RNF14: variants seen among roughly 807,000 people sequenced by gnomAD.
RNF14 encodes ring finger protein 14.
Under a neutral mutation model 52.6 loss-of-function variants are expected in RNF14, and 26 were observed. The observed-to-expected ratio is 0.49, with a 90% CI of 0.36 to 0.69. The LOEUF (loss-of-function observed/expected upper bound fraction) is 0.69, where lower values mean the gene tolerates loss of function less well. RNF14 is among the 30% of genes least tolerant of loss of function. RNF14 has a pLI of 0.00. For missense variants in RNF14, 404 were observed against 560.4 expected (o/e 0.72, Z 2.82); for synonymous variants, 194 against 202.0 (o/e 0.96, Z 0.34).
At position 141,983,890 on chromosome 5, in the gene RNF14, T is replaced by G. The variant is rs536073584; in HGVS notation, c.1236+338T>G. 3.3e-5 allele frequency among the ~76,000 whole-genome samples: 5 copies of G among 152,288 alleles called. No individual in the cohort carries two copies. In the East Asian group the frequency reaches 7.7e-4, roughly 23 times the overall value. ...AATCAAATCTGATCTCTCAGAACTA[T>G]TTATCCTGGAATGCTGCACACCTGT... is the stretch of plus-strand genomic sequence containing the variant. On this transcript the variant is annotated intron_variant, in intron 7 of 8. Coordinates refer to ENST00000394520, the MANE Select transcript of RNF14 (RefSeq NM_004290.5).
At chr5:141,972,686 G>A (rs939307790) in intron 2 of RNF14, among the ~76,000 whole-genome samples, 13 of 152,002 alleles carry the variant, frequency 8.6e-5, no homozygotes, top group African/African-American at 3.1e-4. Context: ...TGCCTCCCAC[G>A]TTCAAGCAGT....
At chr5:141,959,019 A>C (rs1438662549) in intron 1 of RNF14, 5 of 152,468 alleles carry the variant, frequency 3.3e-5, no homozygotes, top group Non-Finnish European at 5.9e-5. Flanking sequence ...CAGAAGCTGC[A>C]AGAACCTGTG....
upstream of RNF14, chr5:141,955,568 G>T: frequency 6.2e-7 from 1 of 1,614,202 alleles, no homozygotes; most frequent in Non-Finnish European, 8.5e-7. The surrounding 1 kb of genome is among the most constrained non-coding windows in gnomAD (Gnocchi z 5.5). Context: ...CTCTTGGGCT[G>T]CTGGCGGTAG....
At chr5:141,977,037 C>T (rs1264988513) in intron 4 of RNF14, among the ~76,000 whole-genome samples, 3 of 152,168 alleles carry the variant, frequency 2.0e-5, no homozygotes, top group Admixed American at 6.5e-5. Context: ...GTGATCCACC[C>T]GCCTTGGCCT....
At chr5:141,954,182 G>A (rs1753137698), upstream of RNF14, among the ~76,000 whole-genome samples, 1 of 152,194 alleles carries the variant, frequency 6.6e-6, no homozygotes. Flanking sequence ...AAGTGGCTGT[G>A]TTGAAATCTG....
At chr5:141,962,197 G>A (rs1295745336), upstream of RNF14, among the ~76,000 whole-genome samples, 3 of 152,234 alleles carry the variant, frequency 2.0e-5, no homozygotes, top group Admixed American at 6.5e-5. Context: ...CAGATGACAG[G>A]TGCTGTCTCC....
upstream of RNF14, among the ~76,000 whole-genome samples, chr5:141,963,570 A>G (rs1225516589): frequency 6.6e-6 from 1 of 152,206 alleles, no homozygotes; most frequent in Non-Finnish European, 1.5e-5. Flanking sequence ...GTTTTACACG[A>G]AAGAACCACC....
rs1249913660 is a variant in RNF14 at position 141,984,828 on chromosome 5, C to T, written c.1262C>T (p.Thr421Ile). Reference sequence around the variant, plus strand: ...AAATTAGACGGATGTAACAAGATGACATGTACTGGCTGTATGCAATATTTC... The same window carrying T: ...AAATTAGACGGATGTAACAAGATGATATGTACTGGCTGTATGCAATATTTC... The part of the protein sequence containing the change: ...IEKLDGCNKM[T>I]CTGCMQYFCW... Residue 421 changes from threonine (T) to isoleucine (I), a missense_variant, in exon 8 of 9, where the codon ACA (threonine) becomes ATA (isoleucine). Coordinates refer to ENST00000394520, the MANE Select transcript of RNF14 (RefSeq NM_004290.5). The T allele has an allele frequency of 2.5e-6, 4 of 1,613,672 alleles. No individual in the cohort carries two copies. Among genetic ancestry groups the T allele is most frequent in the Non-Finnish European group, 3.4e-6 (4 of 1,179,612 alleles).
chr5:141,955,120 C>T, upstream of RNF14: 5 of 1,614,240 alleles, frequency 3.1e-6, no homozygotes, highest in Non-Finnish European at 2.5e-6. The surrounding 1 kb of genome is among the most constrained non-coding windows in gnomAD (Gnocchi z 5.5). Context: ...TCGCTGCCGT[C>T]TCAGGGTTGC....
intron 7 of RNF14, 150 bp from the exon 8 acceptor site, chr5:141,984,653 A>C (rs571293035): frequency 4.3e-5 from 25 of 587,382 alleles, no homozygotes; most frequent in Middle Eastern, 4.7e-4. Context: ...AGAAAGAATT[A>C]CATAGTCATC....
upstream of RNF14, among the ~76,000 whole-genome samples, chr5:141,964,096 G>C (rs1596650234): frequency 6.6e-6 from 1 of 152,134 alleles, no homozygotes; most frequent in Admixed American, 6.5e-5. Flanking sequence ...TCAAATTTTA[G>C]CTTGCATCAA....
In RNF14 at chr5:141,974,791, G is replaced by C. The variant is rs1754099714; in HGVS notation, c.155-13G>C. The C allele has an allele frequency of 1.9e-6, 3 of 1,613,550 alleles. No individual in the cohort carries two copies. Among genetic ancestry groups the C allele is most frequent in the Non-Finnish European group, 2.5e-6 (3 of 1,179,638 alleles). The stretch of plus-strand genomic sequence containing the variant: ...GACCAACTGATCCTTTCTAATCTTT[G>C]TTTTTGGTTCAGGCAATTCAAATGA... On this transcript the variant is annotated splice_polypyrimidine_tract_variant and intron_variant, in intron 3 of 8. Transcript: ENST00000394520.
chr5:141,987,643 A>T (rs1373755216), intron 8 of RNF14, 90 bp from the exon 9 acceptor site: 2 of 1,241,474 alleles, frequency 1.6e-6, no homozygotes, highest in Non-Finnish European at 2.4e-6. Context: ...CAAAGATGTT[A>T]TAAGAGTACA....
At chr5:141,955,254 G>T, upstream of RNF14, 1 of 1,614,204 alleles carries the variant, frequency 6.2e-7, no homozygotes, top group Non-Finnish European at 8.5e-7. The surrounding 1 kb of genome is among the most constrained non-coding windows in gnomAD (Gnocchi z 5.5). Flanking sequence ...GCTGGGGCTC[G>T]GGAAGGTTCA....
At chr5:141,955,349 G>A, upstream of RNF14, 2 of 1,614,144 alleles carry the variant, frequency 1.2e-6, no homozygotes, top group African/African-American at 1.3e-5. The surrounding 1 kb of genome is among the most constrained non-coding windows in gnomAD (Gnocchi z 5.5). Flanking sequence ...CTCTCCGCCG[G>A]TGCTCCCTGG....
chr5:141,957,347 G>A, upstream of RNF14: 1 of 1,613,816 alleles, frequency 6.2e-7, no homozygotes, highest in Non-Finnish European at 8.5e-7. The surrounding 1 kb of genome is among the most constrained non-coding windows in gnomAD (Gnocchi z 4.3). Context: ...TAGGTGTGCA[G>A]GGTGTTAGGG....
At chr5:141,967,309 G>A (rs1434428556), upstream of RNF14, among the ~76,000 whole-genome samples, 3 of 152,144 alleles carry the variant, frequency 2.0e-5, no homozygotes, top group African/African-American at 7.2e-5. Context: ...ATCAAGAGCA[G>A]GGCACTTCTT....
intron 4 of RNF14, among the ~76,000 whole-genome samples, chr5:141,976,628 G>A (rs1561549487): frequency 6.6e-6 from 1 of 152,140 alleles, no homozygotes; most frequent in Non-Finnish European, 1.5e-5. Context: ...GACACATAGA[G>A]CTGTCATTCC....
rs1481317090 is a variant in RNF14, at chr5:141,988,211, G to C, written c.*421G>C. ...CTCAGTACTATTCCTTACAACTGGAGTGGGTAGAAGCCTTATGAAAATTAT... is the reference window on the plus strand; with the variant it reads ...CTCAGTACTATTCCTTACAACTGGACTGGGTAGAAGCCTTATGAAAATTAT... On this transcript the variant is annotated 3_prime_UTR_variant, in exon 9 of 9. Transcript: ENST00000394520. 1 of 159,204 alleles carries C rather than the reference G, an allele frequency of 6.3e-6. No homozygotes were observed. The highest frequency in any genetic ancestry group is 2.4e-5 in the African/African-American group (1 of 41,506). 9.9% of individuals were successfully genotyped at this position (159,204 alleles called of 1,614,324 possible).
Sources: gnomAD v4.1 joint callset for allele counts (sites outside exome capture counted in the v4.1 genomes callset) on GRCh38, gnomAD v4.1.1 for gene constraint, Gnocchi (gnomAD v3.1) non-coding constraint, MANE v1.5 for transcripts, NCBI Gene and HGNC (gene_info 2026-07-23, HGNC 2026-07-21) for gene names.